RBFOX1: variants seen among roughly 807,000 people sequenced by gnomAD.
RBFOX1 encodes the protein RNA binding protein fox-1 homolog 1.
RBFOX1 carries 8 observed loss-of-function variants against 57.7 expected under a neutral mutation model. The ratio of observed to expected loss-of-function variants is 0.14; its 90% CI spans 0.08 to 0.25. RBFOX1 has a LOEUF of 0.25. RBFOX1 is among the 10% of genes least tolerant of loss of function. The pLI, the probability that RBFOX1 is intolerant of heterozygous loss-of-function variation, is 1.00. For missense variants in RBFOX1, 611 were observed against 548.5 expected (o/e 1.11, Z -1.14); for synonymous variants, 326 against 222.4 (o/e 1.47, Z -4.15).
intron 3 of RBFOX1, among the ~76,000 whole-genome samples, chr16:6,954,217 A>C (rs985591942): frequency 3.3e-5 from 5 of 151,854 alleles, no homozygotes; most frequent in African/African-American, 1.2e-4. Context: ...GAGAGTGGCA[A>C]ATCAACGGGG....
chr16:6,915,792 T>A (rs975505313), intron 3 of RBFOX1, among the ~76,000 whole-genome samples: 1 of 152,138 alleles, frequency 6.6e-6, no homozygotes, highest in Non-Finnish European at 1.5e-5. Context: ...ACTCAGGTGA[T>A]CTGCCTGCCC....
At chr16:7,598,824 C>G (rs530019315) in intron 9 of RBFOX1, among the ~76,000 whole-genome samples, 1 of 152,140 alleles carries the variant, frequency 6.6e-6, no homozygotes, top group East Asian at 1.9e-4. Context: ...TAATATTACA[C>G]AAAACAGATA....
intron 4 of RBFOX1, among the ~76,000 whole-genome samples, chr16:5,912,311 A>T (rs186529401): frequency 6.4e-4 from 97 of 152,264 alleles, no homozygotes; most frequent in African/African-American, 2.3e-3. Context: ...ATTGACACAT[A>T]ATAAATGTTA....
intron 5 of RBFOX1, among the ~76,000 whole-genome samples, chr16:7,574,638 C>T (rs985208361): frequency 3.3e-5 from 5 of 152,088 alleles, no homozygotes; most frequent in Non-Finnish European, 7.4e-5. Flanking sequence ...TTATCCTAGG[C>T]GTGTTGGCAG....
chr16:7,522,070 C>G (rs904252171), intron 5 of RBFOX1, among the ~76,000 whole-genome samples: 1 of 152,166 alleles, frequency 6.6e-6, no homozygotes, highest in African/African-American at 2.4e-5. Flanking sequence ...GAGGCTGGTA[C>G]TGAGTGTCCC....
chr16:7,455,573 C>A (rs2058331183), intron 4 of RBFOX1, among the ~76,000 whole-genome samples: 1 of 151,912 alleles, frequency 6.6e-6, no homozygotes. Flanking sequence ...GGGCAGATTT[C>A]TTTAGTTCAA....
At chr16:6,842,162 ATAAATAAAT>A (rs1455515241) in intron 3 of RBFOX1, among the ~76,000 whole-genome samples, 2 of 104,750 alleles carry the variant, frequency 1.9e-5, no homozygotes, top group Non-Finnish European at 4.4e-5. Context: ...TAAAAAATAA[ATAAATAAAT>A]AAATAAATAA....
chr16:6,177,481 T>TA (rs1046577500), intron 1 of RBFOX1, among the ~76,000 whole-genome samples: 4 of 152,168 alleles, frequency 2.6e-5, no homozygotes, highest in African/African-American at 9.7e-5. Context: ...AAAGGCTTAA[T>TA]AATTTTCATA....
intron 4 of RBFOX1, among the ~76,000 whole-genome samples, chr16:7,166,096 T>G (rs2152422351): frequency 6.6e-6 from 1 of 152,174 alleles, no homozygotes; most frequent in Non-Finnish European, 1.5e-5. Flanking sequence ...CCACTGTAAC[T>G]TCTGCCTCCG....
chr16:6,933,312 C>G (rs1434653961), intron 3 of RBFOX1, among the ~76,000 whole-genome samples: 4 of 152,222 alleles, frequency 2.6e-5, no homozygotes, highest in Non-Finnish European at 5.9e-5. Flanking sequence ...TAGTAACCGA[C>G]ATACTCTTTT....
intron 4 of RBFOX1, among the ~76,000 whole-genome samples, chr16:5,870,170 AACAG>A (rs2151901552): frequency 6.7e-6 from 1 of 149,616 alleles, no homozygotes; most frequent in East Asian, 1.9e-4. Context: ...ATAAAAAATA[AACAG>A]ACAACATTCA....
intron 1 of RBFOX1, among the ~76,000 whole-genome samples, chr16:5,269,939 G>A (rs1596349654): frequency 6.6e-6 from 1 of 152,154 alleles, no homozygotes; most frequent in Non-Finnish European, 1.5e-5. Context: ...AGGATTGCTT[G>A]AGGCCAGGAG....
chr16:7,626,207 G>A (rs952223317), intron 10 of RBFOX1, among the ~76,000 whole-genome samples: 5 of 152,188 alleles, frequency 3.3e-5, no homozygotes, highest in African/African-American at 9.7e-5. Flanking sequence ...TTAGGGGGTT[G>A]GCAGCAGAGT....
intron 3 of RBFOX1, among the ~76,000 whole-genome samples, chr16:6,732,437 T>G (rs1430059568): frequency 6.6e-6 from 1 of 152,228 alleles, no homozygotes; most frequent in African/African-American, 2.4e-5. Flanking sequence ...GCACCTGCAC[T>G]GGGGAGTTTA....
At chr16:6,728,541 C>G (rs189073416) in intron 3 of RBFOX1, among the ~76,000 whole-genome samples, 5 of 152,240 alleles carry the variant, frequency 3.3e-5, no homozygotes, top group Admixed American at 3.3e-4. Context: ...TGACATGTAG[C>G]AAACAGCTCA....
At chr16:7,378,404 CAAG>C (rs1362124902) in intron 4 of RBFOX1, among the ~76,000 whole-genome samples, 1 of 152,150 alleles carries the variant, frequency 6.6e-6, no homozygotes, top group East Asian at 1.9e-4. Context: ...GAGTCCCTGA[CAAG>C]GACGAGGTGC....
intron 8 of RBFOX1, 80 bp from the exon 9 acceptor site, chr16:7,597,291 C>A: frequency 2.0e-6 from 2 of 1,008,104 alleles, no homozygotes; most frequent in Non-Finnish European, 2.9e-6. Flanking sequence ...AATAAGTAAT[C>A]ACGGTCATAA....
chr16:7,443,299 A>G lies in RBFOX1; in HGVS notation c.28-74848A>G, dbSNP rs544538318. 3.9e-5 allele frequency among the ~76,000 whole-genome samples: 6 copies of G among 152,302 alleles called. No homozygotes were observed. In the South Asian group the frequency reaches 6.2e-4, roughly 16 times the overall value. ...TTTTCTTGGTGGCTTAGAAGGTTAC[A>G]GAAAATGCTTGATCAGCAGCCTTTA... is the stretch of plus-strand genomic sequence containing the variant. On this transcript the variant is annotated intron_variant, in intron 4 of 15. Transcript: ENST00000550418.
At chr16:7,652,233 C>T (rs1439885409) in intron 11 of RBFOX1, among the ~76,000 whole-genome samples, 1 of 151,834 alleles carries the variant, frequency 6.6e-6, no homozygotes, top group East Asian at 1.9e-4. Flanking sequence ...CCCCATGGGC[C>T]CTGATGAGTT....
Sources: allele counts gnomAD v4.1 joint callset (sites outside exome capture counted in the v4.1 genomes callset), GRCh38; gene constraint gnomAD v4.1.1; transcripts MANE v1.5; gene names NCBI Gene and HGNC (gene_info 2026-07-23, HGNC 2026-07-21).